The following OBI1 variants were observed in gnomAD, a reference collection of about 807,000 sequenced individuals.
OBI1 encodes ring finger protein 219.
Under a neutral mutation model 62.4 loss-of-function variants are expected in OBI1, and 59 were observed. The ratio of observed to expected loss-of-function variants is 0.95; its 90% confidence interval spans 0.77 to 1.17. OBI1 has a LOEUF of 1.17. OBI1 is among the 50% of genes most tolerant of loss of function. The probability of loss-of-function intolerance (pLI) is 0.00; values close to 1 mark genes in which losing one functional copy is unlikely to be tolerated. For synonymous variants in OBI1, 302 were observed against 292.8 expected (o/e 1.03, Z -0.32); for missense variants, 875 against 830.9 (o/e 1.05, Z -0.65).
chr13:78,642,219 G>C lies in OBI1; in HGVS notation c.209-6C>G, dbSNP rs79297098. 7 of 1,511,582 alleles carry C rather than the reference G, an allele frequency of 4.6e-6. No homozygotes were observed. The highest frequency in any genetic ancestry group is 1.2e-5 in the South Asian group (1 of 83,756). The allele number at this position is 1,511,582 out of a possible 1,614,324, so 93.6% of individuals were successfully genotyped here. A position where few individuals can be genotyped will look rare whatever the true frequency, so the allele number is the denominator to read the frequency against. ...TTCACTTTCACTTGTTCCTCCTGTA[G>C]GGAAAAAAAAAAAAATCCTAATTTT... On this transcript the variant is annotated splice_region_variant and splice_polypyrimidine_tract_variant and intron_variant, in intron 2 of 5. Coordinates refer to ENST00000282003, the MANE Select transcript of OBI1 (RefSeq NM_024546.4).
chr13:78,614,463 C>T lies in OBI1; in HGVS notation c.*1117G>A, dbSNP rs1875173918. The T allele has an allele frequency of 6.6e-6, 1 of 152,554 alleles. No individual in the cohort carries two copies. 9.5% of individuals were successfully genotyped at this position (152,554 alleles called of 1,614,324 possible). ...TTTAGAACAATACACTTTTTCAGAG[C>T]CTAAATTAAAAATTGTGCTTACCTC... On this transcript the variant is annotated 3_prime_UTR_variant, in exon 6 of 6. Coordinates refer to ENST00000282003, the MANE Select transcript of OBI1 (RefSeq NM_024546.4).
Position 78,638,964 on chromosome 13 carries a change from GC to G in OBI1, c.407del (p.Gly136AlafsTer9). On this transcript the variant is annotated frameshift_variant, in exon 4 of 6. Transcript: ENST00000282003. LOFTEE classifies it high-confidence loss of function. The part of the protein sequence containing the change: ...TILDPLTLVQ[G>X]NQNEDKHLVT... ...CTAGATGTTTGTCTTCATTTTGGTT[GC>G]CCTGCACCAAGGTTAAAGGATCCAG... is the stretch of plus-strand genomic sequence containing the variant. 6.2e-7 allele frequency: 1 copy of G among 1,613,898 alleles called. No homozygotes were observed. The highest frequency in any genetic ancestry group is 2.2e-5 in the East Asian group (1 of 44,824).
At chr13:78,628,822 C>T (rs1875758911) in intron 5 of OBI1, among the ~76,000 whole-genome samples, 2 of 152,034 alleles carry the variant, frequency 1.3e-5, no homozygotes, top group East Asian at 1.9e-4. Context: ...CCACCGTGCT[C>T]TGTGGTTAAT....
intron 1 of OBI1, among the ~76,000 whole-genome samples, chr13:78,650,357 G>A (rs142481587): frequency 1.3e-5 from 2 of 152,238 alleles, no homozygotes; most frequent in Non-Finnish European, 2.9e-5. Context: ...CAGGATCAGA[G>A]AGTGGGATGC....
intron 1 of OBI1, among the ~76,000 whole-genome samples, chr13:78,653,247 G>A (rs1876596030): frequency 6.6e-6 from 1 of 152,172 alleles, no homozygotes; most frequent in Non-Finnish European, 1.5e-5. Flanking sequence ...GCATATTACA[G>A]GATGTCTGGC....
chr13:78,634,074 AAAAAACAAAAAACAAAAAAC>A (rs1266671697), intron 5 of OBI1, among the ~76,000 whole-genome samples: 34 of 137,034 alleles, frequency 2.5e-4, no homozygotes, highest in Non-Finnish European at 5.4e-4. Context: ...TCTCAAAAAC[AAAAAACAAAAAACAAAAAAC>A]AAAAAAAAAA....
Position 78,615,980 on chromosome 13 carries a change from C to T in OBI1, c.1781G>A (p.Gly594Asp). ...TTCTAACTGATCATTAGTTAGAGAA[C>T]CTTTGGAAAGGTTTAGCTCAGTTTT... is the stretch of plus-strand genomic sequence containing the variant. ...EEKTELNLSK[G>D]SLTNDQLENG... The change falls in exon 6 of 6, where the codon GGT (glycine) becomes GAT (aspartate). Residue 594 changes from glycine to aspartate, a missense_variant. Physicochemically the swap from Gly to Asp is moderately conservative, Grantham distance 94. Transcript: ENST00000282003. 3 of 1,614,012 alleles carry T rather than the reference C, an allele frequency of 1.9e-6. No individual in the cohort carries two copies. The highest frequency in any genetic ancestry group is 2.2e-5 in the East Asian group (1 of 44,872).
intron 1 of OBI1, among the ~76,000 whole-genome samples, chr13:78,656,140 T>C (rs1221773631): frequency 6.6e-6 from 1 of 152,192 alleles, no homozygotes; most frequent in Non-Finnish European, 1.5e-5. Context: ...ATGGCTATAG[T>C]AAAAGCTAAC....
Position 78,659,048 on chromosome 13 carries a change from C to A in OBI1, c.72+1G>T, listed in dbSNP as rs770203448. The A allele has an allele frequency of 6.2e-7, 1 of 1,612,890 alleles. No homozygotes were observed. The highest frequency in any genetic ancestry group is 1.7e-5 in the Admixed American group (1 of 59,944). On this transcript the variant is annotated splice_donor_variant, in intron 1 of 5. Transcript: ENST00000282003. LOFTEE classifies it high-confidence loss of function. ...TAGCTGTGCCCACAATCACCCATTA[C>A]CTTCCCCAAGCAAATGTGGCACGTG... is the stretch of plus-strand genomic sequence containing the variant.
chr13:78,651,362 A>C (rs956942534), intron 1 of OBI1, among the ~76,000 whole-genome samples: 4 of 152,202 alleles, frequency 2.6e-5, no homozygotes, highest in African/African-American at 9.7e-5. Context: ...ACAAAACAGT[A>C]ATGATTTTTT....
chr13:78,656,227 A>G (rs747835431), intron 1 of OBI1, among the ~76,000 whole-genome samples: 36 of 152,316 alleles, frequency 2.4e-4, no homozygotes, highest in Non-Finnish European at 4.0e-4. Flanking sequence ...AACTGAAAGG[A>G]TGGGGAGTTG....
At chr13:78,645,518 G>T (rs1281054727) in intron 1 of OBI1, among the ~76,000 whole-genome samples, 3 of 152,102 alleles carry the variant, frequency 2.0e-5, no homozygotes, top group Admixed American at 2.0e-4. Context: ...AACCCAAAAG[G>T]CATGAGCTTC....
chr13:78,615,881 G>C lies in OBI1; in HGVS notation c.1880C>G (p.Ser627Ter). The change falls in exon 6 of 6, where the codon TCA (serine) becomes TGA (stop). Residue 627 changes from serine (S) to a stop codon, truncating the protein, a stop_gained. Coordinates refer to ENST00000282003, the MANE Select transcript of OBI1 (RefSeq NM_024546.4). LOFTEE classifies it high-confidence loss of function. ...PSDQEMNEDF[S>*]LHSSSCPVTN... ...TACTGGACAAGAACTGGAATGGAGT[G>C]AAAAATCTTCATTCATTTCTTGGTC... 1 of 1,614,068 alleles carries C rather than the reference G, an allele frequency of 6.2e-7. No homozygotes were observed. Among genetic ancestry groups the C allele is most frequent in the African/African-American group, 1.3e-5 (1 of 75,032 alleles).
At chr13:78,648,961 A>G (rs535018740) in intron 1 of OBI1, among the ~76,000 whole-genome samples, 2 of 152,254 alleles carry the variant, frequency 1.3e-5, no homozygotes, top group South Asian at 4.1e-4. Flanking sequence ...TGCTCCCACA[A>G]CAAAGGTTAA....
intron 5 of OBI1, among the ~76,000 whole-genome samples, chr13:78,630,774 T>C (rs1320122900): frequency 6.6e-6 from 1 of 152,176 alleles, no homozygotes; most frequent in Non-Finnish European, 1.5e-5. Context: ...CCTCCAGAAC[T>C]GTAAGAAATA....
In OBI1 at chr13:78,627,911, T is replaced by C. The variant is rs549113173; in HGVS notation, c.638+7199A>G. On this transcript the variant is annotated intron_variant, in intron 5 of 5. Transcript: ENST00000282003. ...CCAATGTTATTTACTTGTTTATTCA[T>C]TCAATTATTCAAAAAATATTTATCA... is the stretch of plus-strand genomic sequence containing the variant. 1.6e-4 allele frequency among the ~76,000 whole-genome samples: 25 copies of C among 152,340 alleles called. 1 individual carries two copies. The South Asian group carries it at 3.5e-3, about 21-fold the overall frequency.
rs371456228 is a variant in OBI1, at chr13:78,617,141, T to A, written c.639-19A>T. 7 of 1,511,540 alleles carry A rather than the reference T, an allele frequency of 4.6e-6. No homozygotes were observed. Among genetic ancestry groups the A allele is most frequent in the Non-Finnish European group, 6.2e-6 (7 of 1,129,746 alleles). 93.6% of individuals were successfully genotyped at this position (1,511,540 alleles called of 1,614,324 possible). On this transcript the variant is annotated intron_variant, in intron 5 of 5. Transcript: ENST00000282003. Reference sequence around the variant, plus strand: ...TCCAAACCTACAAAGAATGGAAAGATAGTTAATCTTATAACTCAAGCTTTT... The same window carrying A: ...TCCAAACCTACAAAGAATGGAAAGAAAGTTAATCTTATAACTCAAGCTTTT...
chr13:78,617,385 T>C, intron 5 of OBI1: 1 of 330,994 alleles, frequency 3.0e-6, no homozygotes. Context: ...GAGGCAGAAA[T>C]GTGCTGATGA....
intron 1 of OBI1, among the ~76,000 whole-genome samples, chr13:78,655,677 G>C (rs75394469): frequency 6.6e-6 from 1 of 152,084 alleles, no homozygotes; most frequent in Admixed American, 6.6e-5. Flanking sequence ...TGACCCTCCA[G>C]GGATAATGGT....
Sources: gnomAD v4.1 joint callset for allele counts (sites outside exome capture counted in the v4.1 genomes callset) on GRCh38, gnomAD v4.1.1 for gene constraint, MANE v1.5 for transcripts, NCBI Gene and HGNC (gene_info 2026-07-23, HGNC 2026-07-21) for gene names.